EVL: variants seen among roughly 807,000 people sequenced by gnomAD.
EVL encodes ena/VASP-like protein.
In EVL, 21 loss-of-function variants were observed where a neutral mutation model predicts 59.6. The ratio of observed to expected loss-of-function variants is 0.35; its 90% CI spans 0.25 to 0.51. The LOEUF is 0.51. Among genes scored for constraint, EVL ranks in the 20% least tolerant of loss-of-function variants. EVL has a pLI of 0.97. For synonymous variants in EVL, 198 were observed against 203.5 expected (o/e 0.97, Z 0.23); for missense variants, 462 against 546.6 (o/e 0.85, Z 1.54).
intron 1 of EVL, among the ~76,000 whole-genome samples, chr14:100,037,371 G>A (rs2061404095): frequency 6.6e-6 from 1 of 152,172 alleles, no homozygotes; most frequent in African/African-American, 2.4e-5. Flanking sequence ...GGGGCCTTCT[G>A]CTCAGTGTTC....
chr14:100,115,586 T>C (rs1027528881), intron 3 of EVL, among the ~76,000 whole-genome samples: 15 of 152,188 alleles, frequency 9.9e-5, no homozygotes, highest in African/African-American at 3.4e-4. Flanking sequence ...CCTGAGCGCC[T>C]AGACACAGCT....
intron 3 of EVL, among the ~76,000 whole-genome samples, chr14:100,118,728 C>T (rs1887509407): frequency 6.6e-6 from 1 of 152,222 alleles, no homozygotes. Context: ...ACCACCCCTC[C>T]CTTTCAGGAG....
chr14:100,020,828 T>C (rs1473154704), intron 1 of EVL, among the ~76,000 whole-genome samples: 3 of 152,240 alleles, frequency 2.0e-5, no homozygotes, highest in African/African-American at 7.2e-5. Context: ...CAGGAAGTTA[T>C]CCTTTGTTTA....
intron 1 of EVL, among the ~76,000 whole-genome samples, chr14:100,054,095 G>T (rs1407512119): frequency 3.7e-5 from 4 of 108,996 alleles, no homozygotes; most frequent in Admixed American, 1.4e-4. Context: ...TCACTCTGTT[G>T]CCAGGCTGGA....
chr14:99,972,521 G>A lies in EVL; in HGVS notation c.5+464G>A, dbSNP rs1255908956. 1.3e-5 allele frequency among the ~76,000 whole-genome samples: 2 copies of A among 152,232 alleles called. No homozygotes were observed. The highest frequency in any genetic ancestry group is 2.9e-5 in the Non-Finnish European group (2 of 68,038). On this transcript the variant is annotated intron_variant, in intron 1 of 13. Coordinates refer to the EVL transcript ENST00000402714. The surrounding 1 kb of genome is among the most constrained non-coding windows in gnomAD (Gnocchi z 4.4). The stretch of plus-strand genomic sequence containing the variant: ...AAGCCTCCCCCTGCCAGCGCCCAGA[G>A]CCGCGTTTGGGCTTTTACAGGTGTA...
chr14:99,981,856 A>C (rs1295497638), intron 1 of EVL, among the ~76,000 whole-genome samples: 1 of 152,230 alleles, frequency 6.6e-6, no homozygotes, highest in Non-Finnish European at 1.5e-5. Flanking sequence ...AATTGGTAAA[A>C]AACGCAATAC....
At chr14:99,983,656 A>C (rs143340022) in intron 1 of EVL, among the ~76,000 whole-genome samples, 141 of 152,202 alleles carry the variant, frequency 9.3e-4, no homozygotes, top group African/African-American at 2.4e-3. Context: ...TATTGCACTT[A>C]TCTTCTCTTC....
At chr14:99,981,797 G>GA (rs1186186893) in intron 1 of EVL, among the ~76,000 whole-genome samples, 2 of 152,310 alleles carry the variant, frequency 1.3e-5, no homozygotes, top group East Asian at 3.9e-4. Context: ...TAGGGTATTG[G>GA]AAAAAATGAT....
At chr14:100,113,634 C>T (rs1887143767) in intron 3 of EVL, among the ~76,000 whole-genome samples, 1 of 152,120 alleles carries the variant, frequency 6.6e-6, no homozygotes. Context: ...CCCCACAAGG[C>T]AGCAAGTGTG....
chr14:100,032,282 G>A (rs1595589961), intron 1 of EVL, among the ~76,000 whole-genome samples: 1 of 152,178 alleles, frequency 6.6e-6, no homozygotes, highest in South Asian at 2.1e-4. Flanking sequence ...GGGAGTGAAG[G>A]AATAGAGATT....
At chr14:100,129,436 G>T in intron 6 of EVL, 127 bp from the exon 7 acceptor site, 1 of 1,371,402 alleles carries the variant, frequency 7.3e-7, no homozygotes, top group Admixed American at 2.0e-5. Context: ...GATGGCCCCT[G>T]AGGCCCCTTG....
chr14:100,123,356 G>A (rs1380573283), intron 3 of EVL, among the ~76,000 whole-genome samples, 183 bp from the exon 4 acceptor site: 2 of 152,124 alleles, frequency 1.3e-5, no homozygotes, highest in Non-Finnish European at 2.9e-5. Flanking sequence ...AGAGAGAGAG[G>A]GTGATTGAGA....
intron 1 of EVL, among the ~76,000 whole-genome samples, chr14:100,084,176 C>T (rs550557856): frequency 5.5e-4 from 83 of 151,906 alleles, no homozygotes; most frequent in African/African-American, 1.7e-3. Flanking sequence ...CTCAGCCTCC[C>T]GAGTAGCTAG....
At chr14:100,088,082 T>C (rs921606687) in intron 2 of EVL, among the ~76,000 whole-genome samples, 2 of 152,154 alleles carry the variant, frequency 1.3e-5, no homozygotes, top group Admixed American at 1.3e-4. Flanking sequence ...ATGAAGAAGA[T>C]ATTAACGCAG....
chr14:100,136,656 C>G (rs1888811383), intron 9 of EVL, among the ~76,000 whole-genome samples: 1 of 152,160 alleles, frequency 6.6e-6, no homozygotes, highest in Non-Finnish European at 1.5e-5. Flanking sequence ...TCGCGTGTGT[C>G]TCTGGGGCAT....
chr14:99,994,393 G>A (rs1424076864), intron 1 of EVL, among the ~76,000 whole-genome samples: 3 of 150,974 alleles, frequency 2.0e-5, no homozygotes, highest in Non-Finnish European at 4.4e-5. Context: ...TTTTTTTGTA[G>A]TGACATATTT....
At chr14:100,028,032 G>A (rs989278601) in intron 1 of EVL, among the ~76,000 whole-genome samples, 1 of 151,990 alleles carries the variant, frequency 6.6e-6, no homozygotes, top group Non-Finnish European at 1.5e-5. Context: ...AGTAAAATCA[G>A]TCTCTTCAGT....
At position 100,132,701 on chromosome 14, in the gene EVL, C is replaced by T. The variant is rs747511156; in HGVS notation, c.840-18C>T. 1 of 1,614,096 alleles carries T rather than the reference C, an allele frequency of 6.2e-7. No individual in the cohort carries two copies. The highest frequency in any genetic ancestry group is 8.5e-7 in the Non-Finnish European group (1 of 1,179,944). ...AACGTGAGGAGCTGATCTGTATCTT[C>T]CCCTTCTCTGTGCCTAGGAGAAAAG... On this transcript the variant is annotated intron_variant, in intron 7 of 13. Coordinates refer to ENST00000392920, the MANE Select transcript of EVL (RefSeq NM_016337.3).
intron 1 of EVL, 123 bp from the exon 2 acceptor site, chr14:100,084,564 A>G: frequency 1.0e-6 from 1 of 989,672 alleles, no homozygotes; most frequent in Non-Finnish European, 1.5e-6. Flanking sequence ...TAGATGTTGG[A>G]AGTTCTGGCA....
Sources: allele counts gnomAD v4.1 joint callset (sites outside exome capture counted in the v4.1 genomes callset), GRCh38; gene constraint gnomAD v4.1.1; non-coding constraint Gnocchi (gnomAD v3.1); transcripts MANE v1.5; gene names NCBI Gene and HGNC (gene_info 2026-07-23, HGNC 2026-07-21).